FAM110B: variants seen among roughly 807,000 people sequenced by gnomAD.
The protein encoded by FAM110B is family with sequence similarity 110 member B, also known as protein FAM110B.
In FAM110B, 6 loss-of-function variants were observed where a neutral mutation model predicts 20.4. The ratio of observed to expected loss-of-function variants is 0.29; its 90% CI spans 0.16 to 0.58. The LOEUF is 0.58. FAM110B is among the 20% of genes least tolerant of loss of function. FAM110B has a pLI of 0.90. For missense variants in FAM110B, 434 were observed against 498.2 expected, an observed-to-expected ratio of 0.87 and a Z score of 1.23; for synonymous variants, 226 against 214.1, an observed-to-expected ratio of 1.06 and a Z score of -0.49.
At chr8:58,130,837 T>C (rs1271130414) in intron 3 of FAM110B, among the ~76,000 whole-genome samples, 2 of 152,258 alleles carry the variant, frequency 1.3e-5, no homozygotes, top group African/African-American at 4.8e-5. Flanking sequence ...GATGATTTGC[T>C]TCTGCCAGAT....
chr8:58,046,538 A>G lies in FAM110B; in HGVS notation c.-414+14835A>G, dbSNP rs191059511. Among the ~76,000 whole-genome samples, 9 of 152,294 alleles carry G rather than the reference A, an allele frequency of 5.9e-5. No individual in the cohort carries two copies. In the East Asian group the frequency reaches 1.4e-3, roughly 23 times the overall value. ...ATACCAGGAATCCTCATTAACTACA[A>G]CATAGTCATCCATTGGCAAACCTGA... On this transcript the variant is annotated intron_variant, in intron 2 of 3. Coordinates refer to ENST00000519262, the MANE Select transcript of FAM110B (RefSeq NM_001377989.1).
chr8:58,096,285 C>T (rs1806625222), intron 3 of FAM110B, among the ~76,000 whole-genome samples: 1 of 152,120 alleles, frequency 6.6e-6, no homozygotes, highest in Non-Finnish European at 1.5e-5. Flanking sequence ...AAGCAATTCT[C>T]CTGCCTCAGT....
chr8:58,012,545 A>C (rs546124942), intron 1 of FAM110B, among the ~76,000 whole-genome samples: 1 of 152,304 alleles, frequency 6.6e-6, no homozygotes, highest in East Asian at 1.9e-4. Flanking sequence ...AGGGGAAAAA[A>C]AATTAAGAAT....
chr8:58,105,971 T>TG, intron 3 of FAM110B, among the ~76,000 whole-genome samples: 1 of 152,304 alleles, frequency 6.6e-6, no homozygotes, highest in Non-Finnish European at 1.5e-5. Context: ...ATGCAAAGCT[T>TG]GGGAATCTGA....
At chr8:58,073,896 G>A (rs1431624010) in intron 2 of FAM110B, among the ~76,000 whole-genome samples, 1 of 152,136 alleles carries the variant, frequency 6.6e-6, no homozygotes, top group African/African-American at 2.4e-5. Context: ...CAAATTTGGA[G>A]GGGGAGTCCA....
At chr8:58,028,357 C>T (rs189744413) in intron 1 of FAM110B, among the ~76,000 whole-genome samples, 2 of 152,312 alleles carry the variant, frequency 1.3e-5, no homozygotes, top group East Asian at 1.9e-4. Context: ...CCGCCCACCT[C>T]GGCCTCCCAA....
At chr8:58,121,344 A>T (rs1807357101) in intron 3 of FAM110B, among the ~76,000 whole-genome samples, 1 of 152,210 alleles carries the variant, frequency 6.6e-6, no homozygotes, top group South Asian at 2.1e-4. Flanking sequence ...TCATGAAAGT[A>T]AAGAGAAGTA....
intron 2 of FAM110B, among the ~76,000 whole-genome samples, chr8:58,046,837 TCA>T (rs1467006573): frequency 6.6e-6 from 1 of 152,154 alleles, no homozygotes; most frequent in Non-Finnish European, 1.5e-5. Flanking sequence ...TGCAGAGGGG[TCA>T]CACTTTACTG....
intron 1 of FAM110B, among the ~76,000 whole-genome samples, chr8:58,008,128 T>A: frequency 7.2e-6 from 1 of 138,982 alleles, no homozygotes; most frequent in East Asian, 2.0e-4. Flanking sequence ...AAGCTTGCAT[T>A]TTTTTTTTTT....
At chr8:58,139,713 G>A (rs758423567) in intron 3 of FAM110B, among the ~76,000 whole-genome samples, 11 of 152,154 alleles carry the variant, frequency 7.2e-5, no homozygotes, top group Non-Finnish European at 1.6e-4. Context: ...GGATCATGAG[G>A]TCAGGAGATC....
chr8:58,063,956 C>T (rs1805710083), intron 2 of FAM110B, among the ~76,000 whole-genome samples: 1 of 152,100 alleles, frequency 6.6e-6, no homozygotes, highest in African/African-American at 2.4e-5. Flanking sequence ...GCGGGCTGTA[C>T]AGGAAGGATG....
At chr8:58,054,862 A>G (rs1233653116) in intron 2 of FAM110B, among the ~76,000 whole-genome samples, 1 of 152,080 alleles carries the variant, frequency 6.6e-6, no homozygotes, top group Non-Finnish European at 1.5e-5. Flanking sequence ...CTTTACTCAT[A>G]TATCTTAAAA....
At chr8:58,007,172 C>T (rs768506370) in intron 1 of FAM110B, among the ~76,000 whole-genome samples, 9 of 151,986 alleles carry the variant, frequency 5.9e-5, no homozygotes, top group Non-Finnish European at 1.2e-4. Context: ...TCTCTTAAAA[C>T]GTCACTTCTC....
At chr8:58,061,434 T>C (rs1805656568) in intron 2 of FAM110B, among the ~76,000 whole-genome samples, 1 of 152,190 alleles carries the variant, frequency 6.6e-6, no homozygotes, top group Non-Finnish European at 1.5e-5. Flanking sequence ...ATTCATCATA[T>C]GCTATCCCCT....
At chr8:58,132,638 T>C (rs1356425911) in intron 3 of FAM110B, among the ~76,000 whole-genome samples, 1 of 152,052 alleles carries the variant, frequency 6.6e-6, no homozygotes, top group African/African-American at 2.4e-5. Context: ...GGCAGGTAAA[T>C]AGGAGACATC....
At chr8:58,089,776 G>A (rs1806429158) in intron 3 of FAM110B, among the ~76,000 whole-genome samples, 1 of 152,206 alleles carries the variant, frequency 6.6e-6, no homozygotes, top group Admixed American at 6.5e-5. Flanking sequence ...AGGAGATCAT[G>A]TTTTAGAAGA....
intron 1 of FAM110B, among the ~76,000 whole-genome samples, chr8:58,004,848 G>A (rs986258084): frequency 1.3e-5 from 2 of 152,336 alleles, no homozygotes; most frequent in African/African-American, 4.8e-5. Context: ...TTAAGGCCTT[G>A]CTCTGGATTG....
At chr8:58,049,368 T>A (rs1805394274) in intron 2 of FAM110B, among the ~76,000 whole-genome samples, 1 of 152,186 alleles carries the variant, frequency 6.6e-6, no homozygotes, top group South Asian at 2.1e-4. Context: ...TTAAGCAAGT[T>A]ACAATGGATA....
At chr8:58,019,419 A>G (rs1585815910) in intron 1 of FAM110B, among the ~76,000 whole-genome samples, 1 of 151,936 alleles carries the variant, frequency 6.6e-6, no homozygotes, top group East Asian at 1.9e-4. Flanking sequence ...TTATGTATAA[A>G]TCCACACATT....
Sources: gnomAD v4.1 joint callset for allele counts (sites outside exome capture counted in the v4.1 genomes callset) on GRCh38, gnomAD v4.1.1 for gene constraint, MANE v1.5 for transcripts, NCBI Gene and HGNC (gene_info 2026-07-23, HGNC 2026-07-21) for gene names.